SPOCK3: variants seen among roughly 807,000 people sequenced by gnomAD.
SPOCK3 encodes the protein SPARC (osteonectin), cwcv and kazal like domains proteoglycan 3.
A neutral mutation model predicts 56.6 loss-of-function variants in SPOCK3; 30 were observed. The ratio of observed to expected loss-of-function variants is 0.53; its 90% CI spans 0.40 to 0.72. The LOEUF is 0.72. Ranked by LOEUF, SPOCK3 falls within the 30% of genes least tolerant of loss-of-function variation. SPOCK3 has a pLI of 0.00. For missense variants in SPOCK3, 527 were observed against 530.0 expected (o/e 0.99, Z 0.06); for synonymous variants, 196 against 183.3 (o/e 1.07, Z -0.56).
chr4:166,879,451 A>T (rs993707348), intron 6 of SPOCK3, among the ~76,000 whole-genome samples: 1 of 152,184 alleles, frequency 6.6e-6, no homozygotes, highest in African/African-American at 2.4e-5. Flanking sequence ...TGGGAGGATC[A>T]CTTGAGACCA....
At chr4:166,865,132 C>T (rs1030858359) in intron 6 of SPOCK3, among the ~76,000 whole-genome samples, 5 of 151,862 alleles carry the variant, frequency 3.3e-5, no homozygotes, top group African/African-American at 1.2e-4. Context: ...GTTCAACATA[C>T]AAATCAATAA....
intron 2 of SPOCK3, among the ~76,000 whole-genome samples, chr4:167,182,783 G>A (rs566906331): frequency 5.1e-4 from 77 of 152,168 alleles, no homozygotes; most frequent in African/African-American, 1.7e-3. Flanking sequence ...TGATCTGCCC[G>A]CCTCAGCCTC....
At chr4:167,106,766 A>C (rs1368664605) in intron 2 of SPOCK3, among the ~76,000 whole-genome samples, 1 of 151,120 alleles carries the variant, frequency 6.6e-6, no homozygotes, top group African/African-American at 2.4e-5. Context: ...CAATGAATTA[A>C]AAAAAAAGGG....
At chr4:167,037,577 G>C (rs1752875290) in intron 3 of SPOCK3, among the ~76,000 whole-genome samples, 1 of 151,880 alleles carries the variant, frequency 6.6e-6, no homozygotes, top group African/African-American at 2.4e-5. Context: ...TCTTCAACAT[G>C]ACTGCCCAGA....
In SPOCK3 at chr4:166,800,552, G is replaced by A. The variant is rs999732190; in HGVS notation, c.590-8263C>T. Among the ~76,000 whole-genome samples the A allele has an allele frequency of 3.9e-5, 6 of 152,042 alleles. No individual in the cohort carries two copies. In the South Asian group the frequency reaches 1.2e-3, roughly 32 times the overall value. The stretch of plus-strand genomic sequence containing the variant: ...ATCCTGACCCTATGTAGGCCTAGGC[G>A]AATGTGTGTGTTTGTGTCAGGTTTA... On this transcript the variant is annotated intron_variant, in intron 6 of 10. Transcript: ENST00000357545.
At chr4:166,926,909 G>A (rs546460887) in intron 4 of SPOCK3, among the ~76,000 whole-genome samples, 14 of 152,108 alleles carry the variant, frequency 9.2e-5, no homozygotes, top group East Asian at 1.9e-4. Context: ...CAACATTTCC[G>A]TAAGGTGTGA....
chr4:167,089,134 T>G (rs960573709), intron 2 of SPOCK3, among the ~76,000 whole-genome samples: 1 of 152,020 alleles, frequency 6.6e-6, no homozygotes, highest in Non-Finnish European at 1.5e-5. Flanking sequence ...AGATTAAAAA[T>G]AAGTTTATAT....
intron 9 of SPOCK3, among the ~76,000 whole-genome samples, chr4:166,739,673 G>C (rs1005216822): frequency 1.3e-5 from 2 of 149,380 alleles, no homozygotes; most frequent in Admixed American, 6.8e-5. Flanking sequence ...ATAAGTTCCA[G>C]GAGATAAGAA....
chr4:166,791,340 G>T (rs1741327107), intron 7 of SPOCK3, among the ~76,000 whole-genome samples: 1 of 152,132 alleles, frequency 6.6e-6, no homozygotes, highest in African/African-American at 2.4e-5. Context: ...AGGGTAGCAG[G>T]TGAGAGTGGA....
At chr4:166,776,602 C>T (rs1024334413) in intron 7 of SPOCK3, among the ~76,000 whole-genome samples, 7 of 151,928 alleles carry the variant, frequency 4.6e-5, no homozygotes, top group Admixed American at 2.0e-4. Flanking sequence ...AGAATACAAC[C>T]CAAACAGTAC....
intron 2 of SPOCK3, among the ~76,000 whole-genome samples, chr4:167,116,911 GTGTA>G (rs1470521485): frequency 3.5e-5 from 4 of 115,388 alleles, no homozygotes; most frequent in African/African-American, 1.1e-4. Flanking sequence ...GTGTGTGTGT[GTGTA>G]TATATATATA....
intron 4 of SPOCK3, among the ~76,000 whole-genome samples, chr4:166,965,584 A>G (rs1421345961): frequency 2.0e-5 from 3 of 151,828 alleles, no homozygotes; most frequent in Non-Finnish European, 2.9e-5. Flanking sequence ...TGGAATGTGT[A>G]ATTTTTCTCT....
chr4:167,115,967 A>C (rs1218633400), intron 2 of SPOCK3, among the ~76,000 whole-genome samples: 2 of 152,098 alleles, frequency 1.3e-5, no homozygotes, highest in Non-Finnish European at 2.9e-5. Flanking sequence ...AATTACTAAA[A>C]GTAATTCTTC....
At chr4:166,767,566 A>G (rs1434980299) in intron 7 of SPOCK3, among the ~76,000 whole-genome samples, 2 of 152,156 alleles carry the variant, frequency 1.3e-5, no homozygotes, top group Non-Finnish European at 2.9e-5. Context: ...CTTTGTTATA[A>G]TTTCTGTTCT....
At chr4:167,203,936 A>G (rs943866655) in intron 2 of SPOCK3, among the ~76,000 whole-genome samples, 4 of 152,114 alleles carry the variant, frequency 2.6e-5, no homozygotes, top group African/African-American at 9.7e-5. Context: ...AATATATTCT[A>G]ACATTTCTGT....
At chr4:166,900,387 G>A (rs1257403920) in intron 5 of SPOCK3, among the ~76,000 whole-genome samples, 1 of 152,090 alleles carries the variant, frequency 6.6e-6, no homozygotes, top group African/African-American at 2.4e-5. Context: ...TTATGTCTCT[G>A]CCTCCCTCAC....
rs1242132905 is a variant in SPOCK3 at position 167,199,069 on chromosome 4, T to C, written c.189+34916A>G. Among the ~76,000 whole-genome samples, 6 of 151,978 alleles carry C rather than the reference T, an allele frequency of 3.9e-5. No homozygotes were observed. In the East Asian group the frequency reaches 1.2e-3, roughly 29 times the overall value. On this transcript the variant is annotated intron_variant, in intron 2 of 10. Transcript: ENST00000357545. ...TGTATAGACTCATCAGAAAAACAAA[T>C]CAGAAAAGTAAAAATTGCATTCAAG... is the stretch of plus-strand genomic sequence containing the variant.
chr4:166,773,160 G>A (rs572319210), intron 7 of SPOCK3, among the ~76,000 whole-genome samples: 8 of 152,090 alleles, frequency 5.3e-5, no homozygotes, highest in Non-Finnish European at 7.4e-5. Flanking sequence ...TTCTATAAGG[G>A]TCTCCTCTAT....
At chr4:166,992,519 C>CA (rs375124767) in intron 4 of SPOCK3, among the ~76,000 whole-genome samples, 17 of 151,884 alleles carry the variant, frequency 1.1e-4, no homozygotes, top group African/African-American at 1.9e-4. Flanking sequence ...TTCTCATAGA[C>CA]AAAAAAATAG....
Sources: allele counts gnomAD v4.1 joint callset (sites outside exome capture counted in the v4.1 genomes callset), GRCh38; gene constraint gnomAD v4.1.1; transcripts MANE v1.5; gene names NCBI Gene and HGNC (gene_info 2026-07-23, HGNC 2026-07-21).